Variants in OR10G3 observed in about 807,000 individuals in gnomAD.
OR10G3 encodes the protein olfactory receptor family 10 subfamily G member 3.
A neutral mutation model predicts 13.4 loss-of-function variants in OR10G3; 8 were observed. The observed-to-expected ratio is 0.60, with a 90% CI of 0.35 to 1.08. The LOEUF (loss-of-function observed/expected upper bound fraction) is 1.08, where lower values mean the gene tolerates loss of function less well. Ranked by LOEUF, OR10G3 falls within the 50% of genes least tolerant of loss-of-function variation. The pLI is 0.02. For missense variants in OR10G3, 393 were observed against 386.6 expected (o/e 1.02, Z -0.14); for synonymous variants, 142 against 156.1 (o/e 0.91, Z 0.67).
Position 21,570,583 on chromosome 14 carries a change from C to T in OR10G3, c.162G>A (p.Arg54=). The T allele has an allele frequency of 1.2e-6, 2 of 1,614,022 alleles. No homozygotes were observed. The highest frequency in any genetic ancestry group is 1.7e-6 in the Non-Finnish European group (2 of 1,180,010). ...LILITVWADP[R]LHARPMYIFL... ...AGATGTACATGGGGCGGGCATGGAGCCTTGGGTCTGCCCAGACAGTGATTA... is the reference window on the plus strand; with the variant it reads ...AGATGTACATGGGGCGGGCATGGAGTCTTGGGTCTGCCCAGACAGTGATTA... Residue 54 remains arginine (R), a synonymous_variant, in exon 2 of 2, where the codon AGG becomes AGA. Transcript: ENST00000641040.
intron 1 of OR10G3, among the ~76,000 whole-genome samples, chr14:21,576,495 C>T (rs1893130361): frequency 6.6e-6 from 1 of 152,188 alleles, no homozygotes; most frequent in Non-Finnish European, 1.5e-5. Flanking sequence ...ATTTTCCCTT[C>T]AGATACAGTT....
intron 1 of OR10G3, among the ~76,000 whole-genome samples, chr14:21,578,084 G>A (rs1030343243): frequency 6.6e-6 from 1 of 151,440 alleles, no homozygotes; most frequent in African/African-American, 2.4e-5. Context: ...GATTAAATGT[G>A]TTTTTGAATT....
intron 1 of OR10G3, 126 bp from the exon 2 acceptor site, chr14:21,570,887 T>C: frequency 1.6e-6 from 1 of 607,640 alleles, no homozygotes; most frequent in East Asian, 2.8e-5. Flanking sequence ...AGATGACAAG[T>C]AGGGAGAAAC....
At chr14:21,571,006 G>C (rs79599110) in intron 1 of OR10G3, among the ~76,000 whole-genome samples, 16,571 of 152,164 alleles carry the variant, frequency 0.11, 1,394 homozygotes, top group East Asian at 0.4. Flanking sequence ...ACAGAGATGA[G>C]TGGTTGCATT....
At chr14:21,574,610 T>C (rs1893107894) in intron 1 of OR10G3, among the ~76,000 whole-genome samples, 2 of 152,118 alleles carry the variant, frequency 1.3e-5, no homozygotes, top group African/African-American at 4.8e-5. Flanking sequence ...GCCATCATAA[T>C]GGATCTGGTC....
chr14:21,577,733 G>A (rs1426476635), intron 1 of OR10G3, among the ~76,000 whole-genome samples: 1 of 152,146 alleles, frequency 6.6e-6, no homozygotes, highest in East Asian at 1.9e-4. Flanking sequence ...GGGAGGCCGG[G>A]CGCGGTGGCT....
In OR10G3 at chr14:21,570,755, A is replaced by G. The variant is rs1893060355; in HGVS notation, c.-11T>C. ...GTTGATTCTTTCCATATCCCAGAGAATCTTACCTAGAGAATGGACAAAACA... is the reference window on the plus strand; with the variant it reads ...GTTGATTCTTTCCATATCCCAGAGAGTCTTACCTAGAGAATGGACAAAACA... On this transcript the variant is annotated 5_prime_UTR_variant, in exon 2 of 2. Coordinates refer to ENST00000641040, the MANE Select transcript of OR10G3 (RefSeq NM_001005465.2). 6.5e-7 allele frequency: 1 copy of G among 1,544,624 alleles called. No individual in the cohort carries two copies. Among genetic ancestry groups the G allele is most frequent in the Non-Finnish European group, 8.7e-7 (1 of 1,147,666 alleles).
intron 1 of OR10G3, among the ~76,000 whole-genome samples, chr14:21,578,672 TA>T (rs1328971744): frequency 6.6e-6 from 1 of 152,022 alleles, no homozygotes; most frequent in Non-Finnish European, 1.5e-5. Flanking sequence ...AAGAAAACTT[TA>T]AAAATTTTAT....
rs994715035 is a variant in OR10G3 at position 21,569,312 on chromosome 14, A to G, written c.*491T>C. 1 of 155,648 alleles carries G rather than the reference A, an allele frequency of 6.4e-6. No homozygotes were observed. Among genetic ancestry groups the G allele is most frequent in the African/African-American group, 2.4e-5 (1 of 41,438 alleles). 9.6% of individuals were successfully genotyped at this position (155,648 alleles called of 1,614,324 possible). On this transcript the variant is annotated 3_prime_UTR_variant, in exon 2 of 2. Coordinates refer to ENST00000641040, the MANE Select transcript of OR10G3 (RefSeq NM_001005465.2). Reference sequence around the variant, plus strand: ...GCAGCTGATTAGGTTGCGCCTGCCCAGATTAAGGGTGGATCTGCCTTTCCC... The same window carrying G: ...GCAGCTGATTAGGTTGCGCCTGCCCGGATTAAGGGTGGATCTGCCTTTCCC...
Position 21,570,421 on chromosome 14 carries a change from C to T in OR10G3, c.324G>A (p.Leu108=), listed in dbSNP as rs1566535945. ...CVAQLYFYHF[L]GSTQCFLYTL... ...TGTAGAGGAAGCACTGGGTGCTGCCCAGGAAGTGATAGAAATAGAGTTGAG... is the reference window on the plus strand; with the variant it reads ...TGTAGAGGAAGCACTGGGTGCTGCCTAGGAAGTGATAGAAATAGAGTTGAG... The change falls in exon 2 of 2, where the codon CTG becomes CTA. Residue 108 remains leucine (L), a synonymous_variant. Transcript: ENST00000641040. 7.4e-6 allele frequency: 12 copies of T among 1,613,932 alleles called. No homozygotes were observed. The highest frequency in any genetic ancestry group is 2.2e-5 in the East Asian group (1 of 44,880).
At chr14:21,575,348 T>A (rs1351222182) in intron 1 of OR10G3, among the ~76,000 whole-genome samples, 3 of 150,222 alleles carry the variant, frequency 2.0e-5, no homozygotes, top group African/African-American at 7.3e-5. Context: ...CCCAAAGTGC[T>A]GGGATTACAG....
Position 21,569,011 on chromosome 14 carries a change from T to C in OR10G3, c.*792A>G, listed in dbSNP as rs1358516906. On this transcript the variant is annotated 3_prime_UTR_variant, in exon 2 of 2. Transcript: ENST00000641040. ...CACCGCGCCCAGCGTTAGGGTTTTCTAGACGGACAGAACTAATGGGAAAAA... is the reference window on the plus strand; with the variant it reads ...CACCGCGCCCAGCGTTAGGGTTTTCCAGACGGACAGAACTAATGGGAAAAA... 2 of 151,374 alleles carry C rather than the reference T, an allele frequency of 1.3e-5. No individual in the cohort carries two copies. Among genetic ancestry groups the C allele is most frequent in the African/African-American group, 2.4e-5 (1 of 41,308 alleles). 9.4% of individuals were successfully genotyped at this position (151,374 alleles called of 1,614,324 possible). A position where few individuals can be genotyped will look rare whatever the true frequency, so the allele number is the denominator to read the frequency against.
Position 21,569,912 on chromosome 14 carries a change from G to T in OR10G3, c.833C>A (p.Thr278Lys), listed in dbSNP as rs948686591. The T allele has an allele frequency of 5.0e-6, 8 of 1,613,314 alleles. No individual in the cohort carries two copies. In the African/African-American group the frequency reaches 5.3e-5, roughly 11 times the overall value. ...PLDGAAALVP[T>K]AITPFLNPLI... is the part of the protein sequence containing the mutation. ...GGGGTTGAGGAAAGGAGTGATGGCC[G>T]TGGGGACTAGGGCAGCTGCCCCATC... The change falls in exon 2 of 2, where the codon ACG becomes AAG. Residue 278 changes from threonine to lysine, a missense_variant. Coordinates refer to ENST00000641040, the MANE Select transcript of OR10G3 (RefSeq NM_001005465.2).
chr14:21,574,336 AT>A lies in OR10G3; in HGVS notation c.-17-3576del, dbSNP rs199535575. Among the ~76,000 whole-genome samples, 1,095 of 142,334 alleles carry A rather than the reference AT, an allele frequency of 7.7e-3. 12 individuals carry two copies. The highest frequency in any genetic ancestry group is 0.026 in the African/African-American group (1,023 of 39,034). The allele number at this position is 142,334 out of a possible 152,430, so 93.4% of individuals were successfully genotyped here. A position where few individuals can be genotyped will look rare whatever the true frequency, so the allele number is the denominator to read the frequency against. On this transcript the variant is annotated intron_variant, in intron 1 of 1. Coordinates refer to ENST00000641040, the MANE Select transcript of OR10G3 (RefSeq NM_001005465.2). ...AAAAAAAAAAAAAAGAAATTGATTG[AT>A]TTTTTTTTCTCTGGACTGATTTCCA...
chr14:21,578,237 C>T (rs550076511), intron 1 of OR10G3, among the ~76,000 whole-genome samples: 3 of 151,828 alleles, frequency 2.0e-5, no homozygotes, highest in African/African-American at 7.2e-5. Context: ...ATGGTGAAAC[C>T]TCGTCTCTAC....
chr14:21,577,954 A>G (rs957797868), intron 1 of OR10G3, among the ~76,000 whole-genome samples: 7 of 152,118 alleles, frequency 4.6e-5, no homozygotes. Flanking sequence ...GTGAACTGAG[A>G]GCACACCATT....
intron 1 of OR10G3, among the ~76,000 whole-genome samples, chr14:21,574,109 C>T (rs2139712794): frequency 6.6e-6 from 1 of 151,756 alleles, no homozygotes; most frequent in South Asian, 2.1e-4. Context: ...GGAGACCATC[C>T]TGGCTAACAC....
In OR10G3 at chr14:21,568,583, A is replaced by G. The variant is rs1335353010; in HGVS notation, c.*1220T>C. The G allele has an allele frequency of 6.6e-6, 1 of 152,122 alleles. No individual in the cohort carries two copies. 9.4% of individuals were successfully genotyped at this position (152,122 alleles called of 1,614,324 possible). ...ACAGGTGGTTTTTGGTTACATGGAT[A>G]AGTTCTTTAGTGGTGATTTCTGAGA... On this transcript the variant is annotated 3_prime_UTR_variant, in exon 2 of 2. Coordinates refer to ENST00000641040, the MANE Select transcript of OR10G3 (RefSeq NM_001005465.2).
In OR10G3 at chr14:21,574,336, A is replaced by ATTT. The variant is rs199535575; in HGVS notation, c.-17-3578_-17-3576dup. Among the ~76,000 whole-genome samples the ATTT allele has an allele frequency of 5.6e-5, 8 of 142,340 alleles. No homozygotes were observed. The East Asian group carries it at 1.7e-3, about 30-fold the overall frequency. 93.4% of individuals were successfully genotyped at this position (142,340 alleles called of 152,430 possible). On this transcript the variant is annotated intron_variant, in intron 1 of 1. Coordinates refer to ENST00000641040, the MANE Select transcript of OR10G3 (RefSeq NM_001005465.2). ...AAAAAAAAAAAAAAGAAATTGATTG[A>ATTT]TTTTTTTTTCTCTGGACTGATTTCC...
Sources: gnomAD v4.1 joint callset for allele counts (sites outside exome capture counted in the v4.1 genomes callset) on GRCh38, gnomAD v4.1.1 for gene constraint, MANE v1.5 for transcripts, NCBI Gene and HGNC (gene_info 2026-07-23, HGNC 2026-07-21) for gene names.